The following BMPR2 variants were observed in gnomAD, a reference collection of about 807,000 sequenced individuals.
The protein encoded by BMPR2 is bone morphogenetic protein receptor type 2.
In BMPR2, 29 loss-of-function variants were observed where a neutral mutation model predicts 100.8. That is an observed-to-expected ratio of 0.29 (90% CI 0.21 to 0.39). BMPR2 has a LOEUF of 0.39. Ranked by LOEUF, BMPR2 falls within the 10% of genes least tolerant of loss-of-function variation. The pLI, the probability that BMPR2 is intolerant of heterozygous loss-of-function variation, is 1.00. For synonymous variants in BMPR2, 382 were observed against 442.3 expected (o/e 0.86, Z 1.71); for missense variants, 1,011 against 1,274.5 (o/e 0.79, Z 3.15).
chr2:202,428,745 A>G (rs574889627), intron 1 of BMPR2, among the ~76,000 whole-genome samples: 2 of 152,276 alleles, frequency 1.3e-5, no homozygotes, highest in East Asian at 3.9e-4. Flanking sequence ...ACTGTCTTAT[A>G]GTCCATGAAA....
chr2:202,492,217 G>A (rs750295505), intron 3 of BMPR2, among the ~76,000 whole-genome samples: 5 of 152,076 alleles, frequency 3.3e-5, no homozygotes, highest in Non-Finnish European at 5.9e-5. Flanking sequence ...GGAGCAGGTA[G>A]GAGACTTTTG....
At chr2:202,522,193 A>G (rs943977823) in intron 7 of BMPR2, among the ~76,000 whole-genome samples, 5 of 151,636 alleles carry the variant, frequency 3.3e-5, no homozygotes, top group Non-Finnish European at 5.9e-5. Context: ...AAGAACTTCA[A>G]GACTTACAGG....
At chr2:202,522,153 T>C (rs1574489899) in intron 7 of BMPR2, among the ~76,000 whole-genome samples, 1 of 146,312 alleles carries the variant, frequency 6.8e-6, no homozygotes, top group African/African-American at 2.5e-5. Flanking sequence ...AGTGAGACCC[T>C]GTCTCAAAAA....
At position 202,560,198 on chromosome 2, in the gene BMPR2, A is replaced by G; in HGVS notation, c.*252A>G. The G allele has an allele frequency of 2.0e-6, 1 of 492,846 alleles. No homozygotes were observed. The highest frequency in any genetic ancestry group is 3.7e-6 in the Non-Finnish European group (1 of 273,908). 30.5% of individuals were successfully genotyped at this position (492,846 alleles called of 1,614,324 possible). A position where few individuals can be genotyped will look rare whatever the true frequency, so the allele number is the denominator to read the frequency against. ...AAAGTTATATTTGTCTGTTATGACC[A>G]CAGAGTTATATGTGTGTGTATCAAA... is the stretch of plus-strand genomic sequence containing the variant. On this transcript the variant is annotated 3_prime_UTR_variant, in exon 13 of 13. Transcript: ENST00000374580.
intron 4 of BMPR2, among the ~76,000 whole-genome samples, chr2:202,514,357 C>T (rs1158910298): frequency 6.6e-6 from 1 of 151,982 alleles, no homozygotes; most frequent in Non-Finnish European, 1.5e-5. Context: ...AGGATGGTCT[C>T]GATCTCCTGA....
At chr2:202,556,555 T>C in intron 12 of BMPR2, 24 bp downstream of exon 12, 1 of 1,602,984 alleles carries the variant, frequency 6.2e-7, no homozygotes, top group Non-Finnish European at 8.5e-7. Flanking sequence ...TCATATAATC[T>C]CTCCTGTGTG....
intron 1 of BMPR2, among the ~76,000 whole-genome samples, chr2:202,402,420 G>C (rs1690783652): frequency 6.6e-6 from 1 of 152,130 alleles, no homozygotes; most frequent in African/African-American, 2.4e-5. Flanking sequence ...AGGAGGCTGA[G>C]GCAGGAGAAT....
chr2:202,454,017 G>C (rs113546617), intron 1 of BMPR2, among the ~76,000 whole-genome samples: 2 of 152,238 alleles, frequency 1.3e-5, no homozygotes, highest in South Asian at 4.2e-4. Context: ...ATTGCAGTAA[G>C]ACTAGGACCA....
chr2:202,478,807 T>A (rs1370002094), intron 3 of BMPR2, among the ~76,000 whole-genome samples: 2 of 152,098 alleles, frequency 1.3e-5, no homozygotes, highest in Admixed American at 6.6e-5. Context: ...CATGTTGTAG[T>A]CTCAGCTATT....
At chr2:202,508,926 G>A (rs886952544) in intron 3 of BMPR2, among the ~76,000 whole-genome samples, 2 of 152,198 alleles carry the variant, frequency 1.3e-5, no homozygotes, top group African/African-American at 4.8e-5. Context: ...TCTCAGTGAT[G>A]TTTTTAATGA....
intron 1 of BMPR2, among the ~76,000 whole-genome samples, chr2:202,403,806 G>A (rs1056525591): frequency 6.6e-6 from 1 of 152,084 alleles, no homozygotes; most frequent in African/African-American, 2.4e-5. Context: ...GGGAGTTCAA[G>A]ACCAGCCTGA....
chr2:202,444,978 G>A (rs1691822853), intron 1 of BMPR2, among the ~76,000 whole-genome samples: 2 of 149,884 alleles, frequency 1.3e-5, no homozygotes, highest in Non-Finnish European at 2.9e-5. Flanking sequence ...AGTAGAGGTG[G>A]CGTTTCACCA....
At position 202,552,892 on chromosome 2, in the gene BMPR2, A is replaced by G. The variant is rs1315153879; in HGVS notation, c.1586+4A>G. The G allele has an allele frequency of 1.9e-6, 3 of 1,614,228 alleles. No homozygotes were observed. The highest frequency in any genetic ancestry group is 2.5e-6 in the Non-Finnish European group (3 of 1,180,034). ...CTACTGCTATGCAGAATGAACGGTA[A>G]GACCCTAAGGGGTGTGGCATCTATC... On this transcript the variant is annotated splice_donor_region_variant and intron_variant, in intron 11 of 12. Transcript: ENST00000374580.
Position 202,552,698 on chromosome 2 carries a change from A to G in BMPR2, c.1414-18A>G. 1 of 1,613,926 alleles carries G rather than the reference A, an allele frequency of 6.2e-7. No homozygotes were observed. Among genetic ancestry groups the G allele is most frequent in the Non-Finnish European group, 8.5e-7 (1 of 1,179,834 alleles). On this transcript the variant is annotated intron_variant, in intron 10 of 12. Transcript: ENST00000374580. ...TTTTTTTAAAGACACATGGTTTGAC[A>G]TGTACTTTGTCTTACAGGCAGTGAG...
chr2:202,421,031 C>G (rs1335516970), intron 1 of BMPR2, among the ~76,000 whole-genome samples: 2 of 151,464 alleles, frequency 1.3e-5, no homozygotes, highest in African/African-American at 4.8e-5. Flanking sequence ...GGGTGGATCA[C>G]TTGAGGTCAG....
intron 1 of BMPR2, 63 bp from the exon 2 acceptor site, chr2:202,464,746 G>A (rs1286329962): frequency 1.5e-5 from 22 of 1,453,902 alleles, no homozygotes; most frequent in Non-Finnish European, 1.9e-5. Context: ...ATAAGACAAA[G>A]ATTTTATATA....
intron 6 of BMPR2, 107 bp downstream of exon 6, chr2:202,519,159 C>A: frequency 8.6e-7 from 1 of 1,157,988 alleles, no homozygotes; most frequent in South Asian, 1.2e-5. Flanking sequence ...GCCAAGAGTT[C>A]AGGACCAGCC....
intron 1 of BMPR2, among the ~76,000 whole-genome samples, chr2:202,454,270 C>T (rs889910421): frequency 6.6e-5 from 10 of 152,004 alleles, no homozygotes; most frequent in African/African-American, 2.2e-4. Flanking sequence ...AGGGTTTTGC[C>T]ACGTTGCCCA....
At position 202,560,216 on chromosome 2, in the gene BMPR2, G is replaced by A. The variant is rs1688656598; in HGVS notation, c.*270G>A. The A allele has an allele frequency of 7.4e-6, 3 of 407,982 alleles. No individual in the cohort carries two copies. Among genetic ancestry groups the A allele is most frequent in the South Asian group, 3.0e-5 (1 of 32,950 alleles). The allele number at this position is 407,982 out of a possible 1,614,324, so 25.3% of individuals were successfully genotyped here. A position where few individuals can be genotyped will look rare whatever the true frequency, so the allele number is the denominator to read the frequency against. On this transcript the variant is annotated 3_prime_UTR_variant, in exon 13 of 13. Transcript: ENST00000374580. The stretch of plus-strand genomic sequence containing the variant: ...TATGACCACAGAGTTATATGTGTGT[G>A]TATCAAAAGTGGTCTCAAAATATTT...
Sources: gnomAD v4.1 joint callset for allele counts (sites outside exome capture counted in the v4.1 genomes callset) on GRCh38, gnomAD v4.1.1 for gene constraint, MANE v1.5 for transcripts, NCBI Gene and HGNC (gene_info 2026-07-23, HGNC 2026-07-21) for gene names.